Variants in SERGEF observed in about 807,000 individuals in gnomAD.
The protein encoded by SERGEF is secretion regulating guanine nucleotide exchange factor, also known as secretion-regulating guanine nucleotide exchange factor.
In SERGEF, 51 loss-of-function variants were observed where a neutral mutation model predicts 50.0. The ratio of observed to expected loss-of-function variants is 1.02; its 90% CI spans 0.81 to 1.29. The LOEUF is 1.29. Ranked by LOEUF, SERGEF falls within the 50% of genes most tolerant of loss-of-function variation. The pLI is 0.00. For missense variants in SERGEF, 521 were observed against 557.0 expected (o/e 0.94, Z 0.65); for synonymous variants, 205 against 212.4 (o/e 0.97, Z 0.30).
chr11:17,810,806 G>GA (rs879258745), intron 10 of SERGEF, among the ~76,000 whole-genome samples: 13,050 of 134,434 alleles, frequency 0.097, 678 homozygotes, highest in South Asian at 0.21. Flanking sequence ...TACAGGTGAA[G>GA]AAAAAAAAAA....
At chr11:17,807,561 A>C (rs1243139445) in intron 10 of SERGEF, among the ~76,000 whole-genome samples, 1 of 152,124 alleles carries the variant, frequency 6.6e-6, no homozygotes, top group Non-Finnish European at 1.5e-5. Context: ...GCTGTCCCCA[A>C]CTCCAGCCCC....
At chr11:17,827,704 CA>C (rs1409529550) in intron 10 of SERGEF, among the ~76,000 whole-genome samples, 1 of 152,156 alleles carries the variant, frequency 6.6e-6, no homozygotes, top group Non-Finnish European at 1.5e-5. Context: ...AGGTCTAACT[CA>C]GTATCACGAA....
At chr11:17,823,355 C>T (rs904495065) in intron 10 of SERGEF, among the ~76,000 whole-genome samples, 2 of 152,136 alleles carry the variant, frequency 1.3e-5, no homozygotes, top group Non-Finnish European at 2.9e-5. Context: ...GTAGTGTTTG[C>T]CAGGTTTCTC....
intron 9 of SERGEF, among the ~76,000 whole-genome samples, chr11:17,901,240 C>T (rs1269981367): frequency 6.6e-6 from 1 of 152,162 alleles, no homozygotes; most frequent in Non-Finnish European, 1.5e-5. Flanking sequence ...AGTTCAGGCC[C>T]TCAAAACACC....
intron 10 of SERGEF, among the ~76,000 whole-genome samples, chr11:17,840,750 C>T (rs1394252359): frequency 6.6e-6 from 1 of 152,164 alleles, no homozygotes; most frequent in African/African-American, 2.4e-5. Flanking sequence ...GATGAAAAGT[C>T]AGCAGCTCAG....
chr11:17,938,238 T>C (rs1175829976), intron 9 of SERGEF, among the ~76,000 whole-genome samples: 2 of 152,154 alleles, frequency 1.3e-5, no homozygotes, highest in African/African-American at 4.8e-5. Flanking sequence ...AGTCAGACTG[T>C]CAAATACAAC....
chr11:17,828,182 G>A (rs988027036), intron 10 of SERGEF, among the ~76,000 whole-genome samples: 4 of 152,178 alleles, frequency 2.6e-5, no homozygotes, highest in East Asian at 3.8e-4. Flanking sequence ...TGAGTAAGTC[G>A]GGAAGTTGAT....
At chr11:17,921,680 G>A (rs111419286) in intron 9 of SERGEF, among the ~76,000 whole-genome samples, 244 of 152,310 alleles carry the variant, frequency 1.6e-3, no homozygotes, top group Non-Finnish European at 2.8e-3. Flanking sequence ...CCCCAGGGGA[G>A]AGCAAGACCT....
intron 9 of SERGEF, among the ~76,000 whole-genome samples, chr11:17,948,212 G>GAGAAA (rs1852705417): frequency 6.6e-6 from 1 of 152,172 alleles, no homozygotes; most frequent in South Asian, 2.1e-4. Flanking sequence ...AAAAACCAAT[G>GAGAAA]TAAGAAATCT....
At chr11:17,894,343 A>G (rs758984535) in intron 9 of SERGEF, among the ~76,000 whole-genome samples, 1 of 152,240 alleles carries the variant, frequency 6.6e-6, no homozygotes, top group Non-Finnish European at 1.5e-5. Flanking sequence ...TATTCTAGGT[A>G]CTTTTGGTGG....
intron 9 of SERGEF, chr11:17,939,591 G>A (rs941837245): frequency 6.6e-6 from 1 of 152,224 alleles, no homozygotes; most frequent in Non-Finnish European, 1.5e-5. Context: ...CCACCTCACT[G>A]CATGAATACA....
chr11:17,830,349 AT>A (rs1850271031), intron 10 of SERGEF, among the ~76,000 whole-genome samples: 1 of 152,208 alleles, frequency 6.6e-6, no homozygotes, highest in East Asian at 1.9e-4. Flanking sequence ...TCATTCATAT[AT>A]TCACTCACTT....
chr11:17,907,393 T>C (rs1419303198), intron 9 of SERGEF, among the ~76,000 whole-genome samples: 1 of 152,196 alleles, frequency 6.6e-6, no homozygotes, highest in Non-Finnish European at 1.5e-5. Context: ...AAAGATTAAA[T>C]TGGTCAGCAC....
intron 1 of SERGEF, chr11:18,009,921 A>C (rs1025346174): frequency 1.5e-5 from 5 of 323,010 alleles, no homozygotes; most frequent in African/African-American, 1.1e-4. Context: ...AAATATTCAT[A>C]AGAAGTGGCC....
At chr11:18,010,288 G>A in intron 1 of SERGEF, 1 of 275,254 alleles carries the variant, frequency 3.6e-6, no homozygotes, top group Non-Finnish European at 7.1e-6. Context: ...GCCATAGCAG[G>A]GGCATAAGTC....
In SERGEF at chr11:17,803,672, C is replaced by T. The variant is rs574569869; in HGVS notation, c.1049-15259G>A. Among the ~76,000 whole-genome samples, 7 of 152,324 alleles carry T rather than the reference C, an allele frequency of 4.6e-5. No homozygotes were observed. The East Asian group carries it at 1.4e-3, about 29-fold the overall frequency. The stretch of plus-strand genomic sequence containing the variant: ...ATCTTCCCCTCTGCTGTTGGGATTG[C>T]CCACATCTCCTGCCCAGGATCTACT... On this transcript the variant is annotated intron_variant, in intron 10 of 10. Coordinates refer to ENST00000265965, the MANE Select transcript of SERGEF (RefSeq NM_012139.4).
At chr11:17,984,945 T>A (rs1193573226) in intron 8 of SERGEF, among the ~76,000 whole-genome samples, 2 of 152,182 alleles carry the variant, frequency 1.3e-5, no homozygotes, top group Non-Finnish European at 2.9e-5. Flanking sequence ...TACAAAGAGA[T>A]GTACACAATT....
chr11:17,986,613 A>G (rs1286458240), intron 8 of SERGEF, among the ~76,000 whole-genome samples: 1 of 152,234 alleles, frequency 6.6e-6, no homozygotes, highest in Non-Finnish European at 1.5e-5. Flanking sequence ...GAATGCTTCA[A>G]AGCTAAAATC....
At chr11:17,896,856 G>C (rs1371654251) in intron 9 of SERGEF, among the ~76,000 whole-genome samples, 21 of 2,866 alleles carry the variant, frequency 7.3e-3, no homozygotes, top group Non-Finnish European at 0.011. Flanking sequence ...GGAAGGGTAA[G>C]GGAAGGGAAG....
Sources: allele counts gnomAD v4.1 joint callset (sites outside exome capture counted in the v4.1 genomes callset), GRCh38; gene constraint gnomAD v4.1.1; transcripts MANE v1.5; gene names NCBI Gene and HGNC (gene_info 2026-07-23, HGNC 2026-07-21).